Variants in RASGRF2 observed in about 807,000 individuals in gnomAD.
The protein encoded by RASGRF2 is ras-specific guanine nucleotide-releasing factor 2.
Under a neutral mutation model 151.0 loss-of-function variants are expected in RASGRF2, and 76 were observed. The observed-to-expected ratio is 0.50, with a 90% CI of 0.42 to 0.61. The LOEUF is 0.61. Among genes scored for constraint, RASGRF2 ranks in the 20% least tolerant of loss-of-function variants. The pLI is 0.00. For synonymous variants in RASGRF2, 504 were observed against 566.5 expected, an observed-to-expected ratio of 0.89 and a Z score of 1.57; for missense variants, 1,148 against 1,564.6, an observed-to-expected ratio of 0.73 and a Z score of 4.49.
intron 1 of RASGRF2, 99 bp downstream of exon 1, chr5:80,961,125 C>CG: frequency 2.3e-6 from 3 of 1,296,050 alleles, no homozygotes; most frequent in Non-Finnish European, 3.0e-6. Flanking sequence ...TGAAAGAGTG[C>CG]GGGGACTATG....
chr5:81,097,768 G>A (rs1193782725), intron 12 of RASGRF2, among the ~76,000 whole-genome samples: 1 of 152,096 alleles, frequency 6.6e-6, no homozygotes, highest in Non-Finnish European at 1.5e-5. Flanking sequence ...CTGGAGTAGG[G>A]TATGCGAGAG....
At chr5:81,123,788 C>T in intron 16 of RASGRF2, 21 bp downstream of exon 16, 1 of 1,599,912 alleles carries the variant, frequency 6.3e-7, no homozygotes, top group East Asian at 2.2e-5. Flanking sequence ...AAGAGGGACT[C>T]AGAAATAGAA....
chr5:80,967,799 T>C (rs1294750973), intron 1 of RASGRF2, among the ~76,000 whole-genome samples: 2 of 152,240 alleles, frequency 1.3e-5, no homozygotes, highest in African/African-American at 4.8e-5. Context: ...GATAACATTA[T>C]AACTGATCAC....
At chr5:81,000,371 A>G (rs1749039824) in intron 1 of RASGRF2, among the ~76,000 whole-genome samples, 1 of 152,154 alleles carries the variant, frequency 6.6e-6, no homozygotes, top group South Asian at 2.1e-4. Context: ...CCTCCTGAGT[A>G]GTTAGGATTA....
chr5:80,981,286 A>G (rs1249240798), intron 1 of RASGRF2, among the ~76,000 whole-genome samples: 2 of 152,084 alleles, frequency 1.3e-5, no homozygotes, highest in Non-Finnish European at 2.9e-5. Flanking sequence ...CAATTCCATA[A>G]ATGCTTTTGG....
intron 9 of RASGRF2, among the ~76,000 whole-genome samples, chr5:81,089,674 C>T (rs753424038): frequency 3.3e-5 from 5 of 152,174 alleles, no homozygotes; most frequent in Non-Finnish European, 7.4e-5. Flanking sequence ...AACAGTCTAG[C>T]TGCATCACTG....
intron 17 of RASGRF2, among the ~76,000 whole-genome samples, chr5:81,148,102 T>C (rs1019209244): frequency 2.0e-5 from 3 of 152,230 alleles, no homozygotes; most frequent in African/African-American, 7.2e-5. Flanking sequence ...AAGACCTACG[T>C]ATTCATTACA....
At chr5:81,211,460 A>G (rs1470812750) in intron 22 of RASGRF2, among the ~76,000 whole-genome samples, 1 of 152,222 alleles carries the variant, frequency 6.6e-6, no homozygotes. Context: ...TTACTGATTA[A>G]CAAAACCACT....
At chr5:81,190,481 G>A (rs1452080356) in intron 18 of RASGRF2, among the ~76,000 whole-genome samples, 8 of 152,128 alleles carry the variant, frequency 5.3e-5, no homozygotes, top group African/African-American at 1.9e-4. Flanking sequence ...TTGTAAAATT[G>A]GCAAAATTAT....
chr5:81,178,732 G>T (rs2112671937), intron 17 of RASGRF2, among the ~76,000 whole-genome samples: 1 of 150,636 alleles, frequency 6.6e-6, no homozygotes, highest in African/African-American at 2.5e-5. Flanking sequence ...TTGAATCAGT[G>T]AGTATAGACA....
chr5:81,006,987 C>T (rs1479370716), intron 1 of RASGRF2, among the ~76,000 whole-genome samples: 1 of 152,254 alleles, frequency 6.6e-6, no homozygotes, highest in African/African-American at 2.4e-5. Context: ...TTACTAACCC[C>T]CTAAAATAAG....
intron 2 of RASGRF2, among the ~76,000 whole-genome samples, chr5:81,060,858 C>T (rs1358499140): frequency 6.6e-6 from 1 of 151,964 alleles, no homozygotes; most frequent in Non-Finnish European, 1.5e-5. Flanking sequence ...TAAAAATCAC[C>T]CATAATTGCT....
In RASGRF2 at chr5:81,069,047, T is replaced by C. The variant is rs138770287; in HGVS notation, c.543+868T>C. 5.5e-3 allele frequency among the ~76,000 whole-genome samples: 831 copies of C among 151,236 alleles called. 7 individuals are homozygous for C. The highest frequency in any genetic ancestry group is 0.018 in the African/African-American group (724 of 40,482). On this transcript the variant is annotated intron_variant, in intron 3 of 26. Transcript: ENST00000265080. ...AAACCTACTAGTAATTGTATCCTCA[T>C]TGACAGAAACAGTTTAGGCTTGTCA...
rs1561218540 is a variant in RASGRF2, at chr5:81,123,652, G to A, written c.2481G>A (p.Glu827=). 3.1e-6 allele frequency: 5 copies of A among 1,613,900 alleles called. No homozygotes were observed. Among genetic ancestry groups the A allele is most frequent in the Non-Finnish European group, 4.2e-6 (5 of 1,179,940 alleles). Residue 827 remains glutamate (E), a synonymous_variant, in exon 16 of 27, where the codon GAG becomes GAA. Coordinates refer to ENST00000265080, the MANE Select transcript of RASGRF2 (RefSeq NM_006909.3). ...GATGTTTTCAAGCAGCAGTCCTAGA[G>A]TCTGCACCAGCGGACCGAGCAGGAG... is the stretch of plus-strand genomic sequence containing the variant. The part of the protein sequence containing the change: ...LKRSIQKAVL[E]SAPADRAGVE...
chr5:81,047,112 G>C (rs996037198), intron 2 of RASGRF2, among the ~76,000 whole-genome samples: 1 of 151,986 alleles, frequency 6.6e-6, no homozygotes, highest in Non-Finnish European at 1.5e-5. Flanking sequence ...TTTGGGAGAA[G>C]AAATGATGAA....
chr5:81,171,549 T>TTG (rs57890623), intron 17 of RASGRF2, among the ~76,000 whole-genome samples: 27,605 of 150,480 alleles, frequency 0.18, 2,895 homozygotes, highest in African/African-American at 0.29. Flanking sequence ...CCTTTTGTGT[T>TTG]TGTGTGTGTG....
intron 15 of RASGRF2, among the ~76,000 whole-genome samples, chr5:81,122,778 T>A (rs886752228): frequency 2.0e-5 from 3 of 152,220 alleles, no homozygotes; most frequent in Admixed American, 6.5e-5. Flanking sequence ...AGTTGTAGTC[T>A]TACCTGCTTA....
intron 1 of RASGRF2, among the ~76,000 whole-genome samples, chr5:81,030,212 T>G (rs1334211424): frequency 6.6e-6 from 1 of 152,176 alleles, no homozygotes; most frequent in African/African-American, 2.4e-5. Context: ...TGGAACCAAG[T>G]TGGAAAACAC....
In RASGRF2 at chr5:81,212,443, G is replaced by A. The variant is rs1755648115; in HGVS notation, c.3234G>A (p.Val1078=). 6.2e-7 allele frequency: 1 copy of A among 1,613,966 alleles called. No homozygotes were observed. The highest frequency in any genetic ancestry group is 8.5e-7 in the Non-Finnish European group (1 of 1,179,946). Reference sequence around the variant, plus strand: ...GTGCCAACGCCATCGAGAAATGGGTGGCAGTGGCGGACATCTGCCGATGCC... The same window carrying A: ...GTGCCAACGCCATCGAGAAATGGGTAGCAGTGGCGGACATCTGCCGATGCC... ...SSRANAIEKW[V]AVADICRCLH... The change falls in exon 23 of 27, where the codon GTG becomes GTA. Residue 1078 remains valine, a synonymous_variant. Coordinates refer to ENST00000265080, the MANE Select transcript of RASGRF2 (RefSeq NM_006909.3).
Sources: gnomAD v4.1 joint callset for allele counts (sites outside exome capture counted in the v4.1 genomes callset) on GRCh38, gnomAD v4.1.1 for gene constraint, MANE v1.5 for transcripts, NCBI Gene and HGNC (gene_info 2026-07-23, HGNC 2026-07-21) for gene names.